Variants in AHR observed in about 807,000 individuals in gnomAD.
The protein encoded by AHR is aryl hydrocarbon receptor, also known as AH-receptor.
AHR carries 40 observed loss-of-function variants against 86.8 expected under a neutral mutation model. The observed-to-expected ratio is 0.46, with a 90% CI of 0.36 to 0.60. AHR has a LOEUF of 0.60. Among genes scored for constraint, AHR ranks in the 20% least tolerant of loss-of-function variants. The pLI, the probability that AHR is intolerant of heterozygous loss-of-function variation, is 0.00. For missense variants in AHR, 1,001 were observed against 1,011.6 expected (o/e 0.99, Z 0.14); for synonymous variants, 398 against 354.9 (o/e 1.12, Z -1.37).
intron 1 of AHR, among the ~76,000 whole-genome samples, chr7:17,308,266 C>G (rs995389255): frequency 6.6e-6 from 1 of 152,100 alleles, no homozygotes; most frequent in African/African-American, 2.4e-5. Flanking sequence ...GGAATTCTTA[C>G]AGTTCACTAA....
At position 17,340,130 on chromosome 7, in the gene AHR, G is replaced by A. The variant is rs200221005; in HGVS notation, c.2305G>A (p.Val769Met). The change falls in exon 10 of 11, where the codon GTG (valine) becomes ATG (methionine). Residue 769 changes from valine to methionine, a missense_variant. Val to Met is a conservative substitution (Grantham distance 21). This residue lies in a region of AHR where 607 missense variants were observed against 543.1 expected (regional missense o/e 1.12). Coordinates refer to ENST00000242057, the MANE Select transcript of AHR (RefSeq NM_001621.5). ...ITPQTCYAGA[V>M]SMYQCQPEPQ... ...TCCTCAGACATGTTATGCTGGGGCC[G>A]TGTCGATGTATCAGTGCCAGCCAGA... The A allele has an allele frequency of 2.7e-5, 44 of 1,614,072 alleles. No homozygotes were observed. Among genetic ancestry groups the A allele is most frequent in the South Asian group, 5.5e-5 (5 of 91,090 alleles).
intron 2 of AHR, among the ~76,000 whole-genome samples, chr7:17,315,174 T>C (rs1452217778): frequency 1.3e-5 from 2 of 152,172 alleles, no homozygotes; most frequent in Non-Finnish European, 2.9e-5. Context: ...CGCATTCTTA[T>C]TGAATGAATA....
In AHR at chr7:17,339,657, G is replaced by A; in HGVS notation, c.1832G>A (p.Cys611Tyr). Residue 611 changes from cysteine to tyrosine, a missense_variant, in exon 10 of 11, where the codon TGT becomes TAT. Cys to Tyr is a radical substitution (Grantham distance 194). Around this residue, in one of 2 missense-constraint regions of AHR, gnomAD observed 607 missense variants for 543.1 expected, o/e 1.12. Coordinates refer to ENST00000242057, the MANE Select transcript of AHR (RefSeq NM_001621.5). ...QQQSLALNSS[C>Y]MVQEHLHLEQ... The stretch of plus-strand genomic sequence containing the variant: ...CAGTCCTTGGCTCTGAACTCAAGCT[G>A]TATGGTACAGGAACACCTACATCTA... The A allele has an allele frequency of 6.2e-7, 1 of 1,614,084 alleles. No homozygotes were observed. The highest frequency in any genetic ancestry group is 1.3e-5 in the African/African-American group (1 of 75,054).
At chr7:17,323,368 C>T (rs966604999) in intron 3 of AHR, among the ~76,000 whole-genome samples, 1 of 152,100 alleles carries the variant, frequency 6.6e-6, no homozygotes, top group Non-Finnish European at 1.5e-5. Context: ...GACTTATTAA[C>T]ATACTAAAGA....
Position 17,298,894 on chromosome 7 carries a change from C to T in AHR, c.-371C>T. ...GGGCGCGGCGCCACCGTGAGCGACCCAGGCCAGGATTCTAAATAGACGGCC... is the reference window on the plus strand; with the variant it reads ...GGGCGCGGCGCCACCGTGAGCGACCTAGGCCAGGATTCTAAATAGACGGCC... On this transcript the variant is annotated 5_prime_UTR_variant, in exon 1 of 11. Coordinates refer to ENST00000242057, the MANE Select transcript of AHR (RefSeq NM_001621.5). 4.9e-6 allele frequency: 2 copies of T among 404,688 alleles called. No individual in the cohort carries two copies. Among genetic ancestry groups the T allele is most frequent in the Non-Finnish European group, 8.7e-6 (2 of 230,232 alleles). 25.1% of individuals were successfully genotyped at this position (404,688 alleles called of 1,614,324 possible). A position where few individuals can be genotyped will look rare whatever the true frequency, so the allele number is the denominator to read the frequency against.
At position 17,334,901 on chromosome 7, in the gene AHR, T is replaced by C. The variant is rs753084329; in HGVS notation, c.923T>C (p.Leu308Ser). The C allele has an allele frequency of 1.2e-6, 2 of 1,609,068 alleles. No individual in the cohort carries two copies. The highest frequency in any genetic ancestry group is 1.7e-6 in the Non-Finnish European group (2 of 1,177,350). The part of the protein sequence containing the change: ...IGCDAKGRIV[L>S]GYTEAELCTR... ...ATTTTAAACAGAGGAAGAATTGTTTTAGGATATACTGAAGCAGAGCTGTGC... is the reference window on the plus strand; with the variant it reads ...ATTTTAAACAGAGGAAGAATTGTTTCAGGATATACTGAAGCAGAGCTGTGC... The change falls in exon 8 of 11, where the codon TTA becomes TCA. Residue 308 changes from leucine to serine, a missense_variant. Leu to Ser is a moderately radical substitution (Grantham distance 145). This residue lies in a region of AHR where 394 missense variants were observed against 468.5 expected (regional missense o/e 0.84). Coordinates refer to ENST00000242057, the MANE Select transcript of AHR (RefSeq NM_001621.5).
chr7:17,311,272 C>T lies in AHR; in HGVS notation c.253+1149C>T, dbSNP rs1237568925. Among the ~76,000 whole-genome samples the T allele has an allele frequency of 3.3e-5, 5 of 152,124 alleles. No homozygotes were observed. In the East Asian group the frequency reaches 9.6e-4, roughly 29 times the overall value. Reference sequence around the variant, plus strand: ...CAGTGGGCTATGTCAGTCAATGCTTCTCATACATTAATGTGCTTACAAATC... The same window carrying T: ...CAGTGGGCTATGTCAGTCAATGCTTTTCATACATTAATGTGCTTACAAATC... On this transcript the variant is annotated intron_variant, in intron 2 of 10. Coordinates refer to ENST00000242057, the MANE Select transcript of AHR (RefSeq NM_001621.5).
chr7:17,315,959 A>G (rs956644171), intron 2 of AHR, among the ~76,000 whole-genome samples: 6 of 152,176 alleles, frequency 3.9e-5, no homozygotes, highest in Non-Finnish European at 8.8e-5. Context: ...ATTAAAGTGA[A>G]TAAAATATTC....
intron 8 of AHR, 30 bp from the exon 9 acceptor site, chr7:17,335,615 T>G: frequency 6.6e-7 from 1 of 1,524,910 alleles, no homozygotes; most frequent in Non-Finnish European, 8.8e-7. Flanking sequence ...TTTGGGGGTT[T>G]GATAATTTAA....
In AHR at chr7:17,333,878, T is replaced by C. The variant is rs749667770; in HGVS notation, c.706-34T>C. 3 of 1,571,090 alleles carry C rather than the reference T, an allele frequency of 1.9e-6. No individual in the cohort carries two copies. In the African/African-American group the frequency reaches 4.1e-5, roughly 21 times the overall value. ...AGGCACTATTTTATATTGTTAATTT[T>C]AATGAACTTTTTTGTTGTTGTTGCT... On this transcript the variant is annotated intron_variant, in intron 6 of 10. Coordinates refer to ENST00000242057, the MANE Select transcript of AHR (RefSeq NM_001621.5).
intron 10 of AHR, 55 bp from the exon 11 acceptor site, chr7:17,342,866 T>C: frequency 6.5e-7 from 1 of 1,546,370 alleles, no homozygotes; most frequent in Non-Finnish European, 8.9e-7. Flanking sequence ...ATTTACTGGC[T>C]TAAGATACTT....
At chr7:17,330,202 A>T in intron 5 of AHR, 127 bp downstream of exon 5, 1 of 912,236 alleles carries the variant, frequency 1.1e-6, no homozygotes, top group Non-Finnish European at 1.6e-6. Context: ...TAAAGTCTGC[A>T]ATCATAGGCC....
chr7:17,329,262 A>C (rs370617569), intron 4 of AHR, among the ~76,000 whole-genome samples: 1 of 152,090 alleles, frequency 6.6e-6, no homozygotes, highest in South Asian at 2.1e-4. Flanking sequence ...TAGAATACAC[A>C]GTGTTATCTC....
intron 1 of AHR, among the ~76,000 whole-genome samples, chr7:17,304,929 A>G (rs113494846): frequency 0.013 from 2,039 of 152,190 alleles, 47 homozygotes; most frequent in African/African-American, 0.047. Context: ...GTTTGCGTAG[A>G]AGAAGGGGGA....
Position 17,340,004 on chromosome 7 carries a change from T to C in AHR, c.2179T>C (p.Ser727Pro), listed in dbSNP as rs1410424692. The change falls in exon 10 of 11, where the codon TCC becomes CCC. Residue 727 changes from serine (S) to proline (P), a missense_variant. Physicochemically the swap from Ser to Pro is moderately conservative, Grantham distance 74. Around this residue, in one of 2 missense-constraint regions of AHR, gnomAD observed 607 missense variants for 543.1 expected, o/e 1.12. Transcript: ENST00000242057. ...CTACCCTATGGGGAGTTTTGAACCA[T>C]CCCCATACCCCACTACTTCTAGTTT... is the stretch of plus-strand genomic sequence containing the variant. ...LDYPMGSFEPSPYPTTSSLED... is the reference protein window; with the variant it reads ...LDYPMGSFEPPPYPTTSSLED... 3 of 1,614,168 alleles carry C rather than the reference T, an allele frequency of 1.9e-6. No individual in the cohort carries two copies. Among genetic ancestry groups the C allele is most frequent in the Non-Finnish European group, 8.5e-7 (1 of 1,180,034 alleles).
chr7:17,339,062 T>C lies in AHR; in HGVS notation c.1237T>C (p.Leu413=). The change falls in exon 10 of 11, where the codon TTG becomes CTG. Residue 413 remains leucine (L), a synonymous_variant. Transcript: ENST00000242057. ...TATGTTTACCACTGGAGAAGCTGTGTTGTATGAGGCAACCAACCCTTTTCC... is the reference window on the plus strand; with the variant it reads ...TATGTTTACCACTGGAGAAGCTGTGCTGTATGAGGCAACCAACCCTTTTCC... ...PFMFTTGEAV[L]YEATNPFPAI... The C allele has an allele frequency of 6.2e-7, 1 of 1,614,192 alleles. No individual in the cohort carries two copies. Among genetic ancestry groups the C allele is most frequent in the Non-Finnish European group, 8.5e-7 (1 of 1,180,020 alleles).
chr7:17,316,712 T>G (rs1782118405), intron 2 of AHR, among the ~76,000 whole-genome samples: 1 of 152,186 alleles, frequency 6.6e-6, no homozygotes, highest in Admixed American at 6.6e-5. Context: ...GCCTGAAATT[T>G]TCTCATACAA....
chr7:17,317,862 C>T (rs1782131628), intron 2 of AHR, among the ~76,000 whole-genome samples: 1 of 152,160 alleles, frequency 6.6e-6, no homozygotes, highest in Non-Finnish European at 1.5e-5. Flanking sequence ...AAGTGCAACT[C>T]ATTCCCCACT....
Position 17,299,062 on chromosome 7 carries a change from G to T in AHR, c.-203G>T. On this transcript the variant is annotated 5_prime_UTR_variant, in exon 1 of 11. Transcript: ENST00000242057. ...TGCGCCAGGCCCAGGCAGCTCACCT[G>T]TACTGGCGCGGGCTGCGGAAGCCTG... 1.8e-6 allele frequency: 1 copy of T among 550,470 alleles called. No homozygotes were observed. The highest frequency in any genetic ancestry group is 4.8e-4 in the Middle Eastern group (1 of 2,102). 34.1% of individuals were successfully genotyped at this position (550,470 alleles called of 1,614,324 possible).
Sources: allele counts gnomAD v4.1 joint callset (sites outside exome capture counted in the v4.1 genomes callset), GRCh38; gene constraint gnomAD v4.1.1; regional missense constraint gnomAD v4.1.1; transcripts MANE v1.5; gene names NCBI Gene and HGNC (gene_info 2026-07-23, HGNC 2026-07-21).